Variants in LOC400499 observed in about 807,000 individuals in gnomAD.
the LOC400499 span, among the ~76,000 whole-genome samples, chr16:11,386,019 G>C: frequency 6.6e-6 from 1 of 152,188 alleles, no homozygotes; most frequent in African/African-American, 2.4e-5. Flanking sequence ...CAGGACAACA[G>C]AGTGAGACCT....
At chr16:11,422,775 C>T in the LOC400499 span, among the ~76,000 whole-genome samples, 1 of 152,184 alleles carries the variant, frequency 6.6e-6, no homozygotes, top group African/African-American at 2.4e-5. Context: ...CCTGCACCCT[C>T]GGCAGAGACA....
At chr16:11,406,268 A>G in the LOC400499 span, among the ~76,000 whole-genome samples, 1 of 152,278 alleles carries the variant, frequency 6.6e-6, no homozygotes, top group African/African-American at 2.4e-5. Context: ...AGAACATGTG[A>G]TACTGGGTTT....
At chr16:11,415,569 A>T in the LOC400499 span, among the ~76,000 whole-genome samples, 1 of 152,212 alleles carries the variant, frequency 6.6e-6, no homozygotes, top group Non-Finnish European at 1.5e-5. Flanking sequence ...CTCGTTCAAC[A>T]TTCAGCCACA....
the LOC400499 span, among the ~76,000 whole-genome samples, chr16:11,489,960 G>A: frequency 6.6e-6 from 1 of 152,194 alleles, no homozygotes; most frequent in Non-Finnish European, 1.5e-5. Context: ...CAAAAGACCA[G>A]AAACAGCCTA....
chr16:11,465,323 C>G, the LOC400499 span: 1 of 152,178 alleles, frequency 6.6e-6, no homozygotes, highest in Non-Finnish European at 1.5e-5. Context: ...GACAGGGTTT[C>G]ACCATCTTGG....
the LOC400499 span, chr16:11,465,450 C>T: frequency 6.6e-6 from 1 of 152,144 alleles, no homozygotes; most frequent in Non-Finnish European, 1.5e-5. Context: ...TTTCAACCTT[C>T]TTCGCAGGAT....
At chr16:11,416,502 C>T in the LOC400499 span, among the ~76,000 whole-genome samples, 1 of 152,182 alleles carries the variant, frequency 6.6e-6, no homozygotes, top group Admixed American at 6.6e-5. Flanking sequence ...CTCGTTCATG[C>T]ACCCATTCGA....
At chr16:11,472,478 C>T in the LOC400499 span, 1 of 152,238 alleles carries the variant, frequency 6.6e-6, no homozygotes, top group Non-Finnish European at 1.5e-5. Context: ...CAGGCGTGAG[C>T]TACCGTGCCC....
chr16:11,464,140 G>A, the LOC400499 span, among the ~76,000 whole-genome samples: 3 of 138,776 alleles, frequency 2.2e-5, no homozygotes, highest in Non-Finnish European at 3.1e-5. Context: ...AAATATGGAC[G>A]TGTGTATGAT....
At chr16:11,477,745 C>T in the LOC400499 span, 1 of 397,696 alleles carries the variant, frequency 2.5e-6, no homozygotes, top group Non-Finnish European at 4.4e-6. Context: ...ATACGGATGT[C>T]ACCCAGGCCT....
At chr16:11,464,234 T>C in the LOC400499 span, among the ~76,000 whole-genome samples, 114,575 of 152,206 alleles carry the variant, frequency 0.75, 43,727 homozygotes, top group Admixed American at 0.8. Context: ...ACCCTTCTCC[T>C]TCCCTTTTTA....
the LOC400499 span, among the ~76,000 whole-genome samples, chr16:11,452,069 G>A: frequency 1.3e-5 from 2 of 152,130 alleles, no homozygotes; most frequent in Admixed American, 6.5e-5. Context: ...CAAGTTTTGA[G>A]TCTCCAATTA....
chr16:11,383,622 A>G, the LOC400499 span: 2 of 1,232,210 alleles, frequency 1.6e-6, no homozygotes, highest in South Asian at 4.1e-5. Context: ...GCAGAGTGCT[A>G]GATGGCTGGG....
the LOC400499 span, among the ~76,000 whole-genome samples, chr16:11,444,095 C>A: frequency 1.3e-5 from 2 of 152,148 alleles, no homozygotes; most frequent in South Asian, 4.1e-4. Flanking sequence ...CCCACCCTGG[C>A]TTCCCAAAAT....
the LOC400499 span, among the ~76,000 whole-genome samples, chr16:11,421,599 T>G: frequency 4.6e-5 from 7 of 152,184 alleles, 1 homozygote; most frequent in African/African-American, 7.2e-5. Flanking sequence ...AGACAGGGTT[T>G]TACCATGTTG....
At chr16:11,384,423 G>T in the LOC400499 span, 1 of 574,078 alleles carries the variant, frequency 1.7e-6, no homozygotes, top group South Asian at 9.1e-5. Flanking sequence ...AGATGAGCCT[G>T]AAGCACACAG....
chr16:11,388,005 T>G, the LOC400499 span, among the ~76,000 whole-genome samples: 12 of 152,084 alleles, frequency 7.9e-5, no homozygotes, highest in African/African-American at 1.4e-4. Context: ...CCTGTGAGAT[T>G]TGAATGATCA....
the LOC400499 span, among the ~76,000 whole-genome samples, chr16:11,481,195 G>C: frequency 2.0e-5 from 3 of 152,244 alleles, no homozygotes; most frequent in African/African-American, 7.2e-5. Flanking sequence ...TGGAGGCTAG[G>C]AGGAGGGGCT....
chr16:11,521,769 T>C, the LOC400499 span, among the ~76,000 whole-genome samples: 2 of 152,186 alleles, frequency 1.3e-5, no homozygotes, highest in East Asian at 3.9e-4. Flanking sequence ...GTGGCACCTC[T>C]TACAATCAAA....
Sources: gnomAD v4.1 joint callset for allele counts (sites outside exome capture counted in the v4.1 genomes callset) on GRCh38, gnomAD v4.1.1 for gene constraint, MANE v1.5 for transcripts.